The following ANKH variants were observed in gnomAD, a reference collection of about 807,000 sequenced individuals.
The protein encoded by ANKH is ANKH inorganic pyrophosphate transport regulator, also known as mineralization regulator ANKH.
Under a neutral mutation model 49.0 loss-of-function variants are expected in ANKH, and 15 were observed. The observed-to-expected ratio is 0.31, with a 90% CI of 0.20 to 0.47. The LOEUF (loss-of-function observed/expected upper bound fraction) is 0.47, where lower values mean the gene tolerates loss of function less well. Ranked by LOEUF, ANKH falls within the 20% of genes least tolerant of loss-of-function variation. The pLI, the probability that ANKH is intolerant of heterozygous loss-of-function variation, is 1.00. For synonymous variants in ANKH, 273 were observed against 260.0 expected (o/e 1.05, Z -0.48); for missense variants, 429 against 652.0 (o/e 0.66, Z 3.72).
rs375348941 is a variant in ANKH at position 14,716,849 on chromosome 5, C to T, written c.1012-14G>A. On this transcript the variant is annotated splice_polypyrimidine_tract_variant and intron_variant, in intron 8 of 11. Coordinates refer to ENST00000284268, the MANE Select transcript of ANKH (RefSeq NM_054027.6). The stretch of plus-strand genomic sequence containing the variant: ...CACGAAACAGAGCTGGGGAGAAAGA[C>T]ATCAAACAGGGTTGTGAGGAAAAAG... The T allele has an allele frequency of 1.4e-5, 22 of 1,613,284 alleles. No homozygotes were observed. Among genetic ancestry groups the T allele is most frequent in the Non-Finnish European group, 1.6e-5 (19 of 1,179,576 alleles).
At chr5:14,752,875 A>C (rs1181588797) in intron 4 of ANKH, among the ~76,000 whole-genome samples, 1 of 152,192 alleles carries the variant, frequency 6.6e-6, no homozygotes, top group Non-Finnish European at 1.5e-5. Context: ...GAAGTGAAAA[A>C]GACAGTGAGT....
chr5:14,758,385 C>T, intron 3 of ANKH, 95 bp downstream of exon 3: 1 of 944,626 alleles, frequency 1.1e-6, no homozygotes, highest in Non-Finnish European at 1.7e-6. Context: ...TTAAGCTGTA[C>T]ACACAAAAAT....
Position 14,871,573 on chromosome 5 carries a change from C to A in ANKH, c.-126G>T. 2.5e-6 allele frequency: 1 copy of A among 407,224 alleles called. No individual in the cohort carries two copies. The highest frequency in any genetic ancestry group is 9.7e-5 in the South Asian group (1 of 10,302). The allele number at this position is 407,224 out of a possible 1,614,324, so 25.2% of individuals were successfully genotyped here. ...CGACAGAGGCCGCGGGCGGCGGGGC[C>A]TCGGGCGCGGCGGCGGCGGCTCCTC... On this transcript the variant is annotated 5_prime_UTR_variant, in exon 1 of 12. The change creates a new upstream start codon in the 5' untranslated region. Coordinates refer to ENST00000284268, the MANE Select transcript of ANKH (RefSeq NM_054027.6).
intron 8 of ANKH, among the ~76,000 whole-genome samples, chr5:14,740,922 C>T (rs566389440): frequency 1.3e-5 from 2 of 152,138 alleles, no homozygotes; most frequent in Admixed American, 6.5e-5. Context: ...ATTGTATATG[C>T]GAAAGTAAGT....
At chr5:14,775,901 C>A (rs958275921) in intron 1 of ANKH, among the ~76,000 whole-genome samples, 1 of 152,100 alleles carries the variant, frequency 6.6e-6, no homozygotes, top group Non-Finnish European at 1.5e-5. Context: ...GAGAGGGATG[C>A]GAGCCACAGA....
rs1387077030 is a variant in ANKH at position 14,745,861 on chromosome 5, G to C, written c.915+9C>G. ...CATGTTTCAGACACGACACCGCACGGGTTCTCACCTTGTCGAAAGCAGGAT... is the reference window on the plus strand; with the variant it reads ...CATGTTTCAGACACGACACCGCACGCGTTCTCACCTTGTCGAAAGCAGGAT... On this transcript the variant is annotated intron_variant, in intron 7 of 11. Transcript: ENST00000284268. This position sits in a 1 kb window ranked among gnomAD's most constrained non-coding sequence, Gnocchi z 4.7. The C allele has an allele frequency of 6.8e-6, 11 of 1,613,644 alleles. No individual in the cohort carries two copies. The South Asian group carries it at 7.7e-5, about 11-fold the overall frequency.
chr5:14,848,919 A>G (rs1742046822), intron 1 of ANKH, among the ~76,000 whole-genome samples: 1 of 152,220 alleles, frequency 6.6e-6, no homozygotes, highest in African/African-American at 2.4e-5. Flanking sequence ...ATTGTTTTAT[A>G]AACTAAAACC....
chr5:14,723,149 A>T (rs753578670), intron 8 of ANKH, among the ~76,000 whole-genome samples: 1 of 152,106 alleles, frequency 6.6e-6, no homozygotes, highest in Admixed American at 6.5e-5. Flanking sequence ...GTCTTGGATG[A>T]GATCCTGGAA....
At chr5:14,782,584 T>C (rs1318419837) in intron 1 of ANKH, among the ~76,000 whole-genome samples, 2 of 152,218 alleles carry the variant, frequency 1.3e-5, no homozygotes, top group South Asian at 2.1e-4. Flanking sequence ...AAGAGGACTT[T>C]TGACTAAAGA....
chr5:14,721,762 C>T (rs1221883447), intron 8 of ANKH, among the ~76,000 whole-genome samples: 1 of 151,846 alleles, frequency 6.6e-6, no homozygotes, highest in East Asian at 1.9e-4. Context: ...AACCCCATCT[C>T]TACTAAAAAT....
chr5:14,817,559 T>C (rs1368319854), intron 1 of ANKH, among the ~76,000 whole-genome samples: 1 of 152,190 alleles, frequency 6.6e-6, no homozygotes, highest in Non-Finnish European at 1.5e-5. Context: ...TCAATCCTCC[T>C]ACTGTATACA....
At chr5:14,726,351 G>A (rs1448080631) in intron 8 of ANKH, among the ~76,000 whole-genome samples, 1 of 152,150 alleles carries the variant, frequency 6.6e-6, no homozygotes, top group Non-Finnish European at 1.5e-5. Flanking sequence ...ACAGGTCATG[G>A]TCACGACTCT....
chr5:14,722,507 CA>C (rs1437711177), intron 8 of ANKH, among the ~76,000 whole-genome samples: 2 of 152,046 alleles, frequency 1.3e-5, no homozygotes, highest in Non-Finnish European at 2.9e-5. Context: ...ATCTATGGTA[CA>C]AGAAGGAAGG....
At chr5:14,786,785 T>C (rs1281210493) in intron 1 of ANKH, among the ~76,000 whole-genome samples, 3 of 152,178 alleles carry the variant, frequency 2.0e-5, no homozygotes, top group African/African-American at 7.2e-5. Flanking sequence ...ATTAAAAGTG[T>C]GACAACTCCT....
At chr5:14,859,880 G>C (rs1350402564) in intron 1 of ANKH, among the ~76,000 whole-genome samples, 1 of 152,252 alleles carries the variant, frequency 6.6e-6, no homozygotes, top group Non-Finnish European at 1.5e-5. Flanking sequence ...AGTTCAGCTA[G>C]TGAGACTTAC....
chr5:14,734,362 A>G (rs182576010), intron 8 of ANKH, among the ~76,000 whole-genome samples: 104 of 152,302 alleles, frequency 6.8e-4, no homozygotes, highest in South Asian at 2.1e-3. Context: ...TGCGTCAGGG[A>G]TAAGAACCCC....
intron 8 of ANKH, among the ~76,000 whole-genome samples, chr5:14,739,603 G>A (rs572059269): frequency 6.6e-6 from 1 of 152,242 alleles, no homozygotes; most frequent in South Asian, 2.1e-4. Flanking sequence ...ACTGTTTCAG[G>A]CATGGTGGCA....
At chr5:14,834,881 T>C (rs956949591) in intron 1 of ANKH, among the ~76,000 whole-genome samples, 1 of 152,186 alleles carries the variant, frequency 6.6e-6, no homozygotes, top group African/African-American at 2.4e-5. Flanking sequence ...CATAGGATTA[T>C]TTAGAAGATT....
chr5:14,858,315 A>G (rs1735350985), intron 1 of ANKH, among the ~76,000 whole-genome samples: 1 of 152,164 alleles, frequency 6.6e-6, no homozygotes, highest in Non-Finnish European at 1.5e-5. Flanking sequence ...TTATGTCTTT[A>G]TATCCTTACA....
Sources: gnomAD v4.1 joint callset for allele counts (sites outside exome capture counted in the v4.1 genomes callset) on GRCh38, gnomAD v4.1.1 for gene constraint, Gnocchi (gnomAD v3.1) non-coding constraint, MANE v1.5 for transcripts, NCBI Gene and HGNC (gene_info 2026-07-23, HGNC 2026-07-21) for gene names.